The following DAB1 variants were observed in gnomAD, a reference collection of about 807,000 sequenced individuals.
DAB1 encodes DAB adaptor protein 1, also known as disabled homolog 1.
DAB1 carries 15 observed loss-of-function variants against 64.6 expected under a neutral mutation model. That is an observed-to-expected ratio of 0.23 (90% CI 0.16 to 0.36). The LOEUF (loss-of-function observed/expected upper bound fraction) is 0.36. DAB1 is among the 10% of genes least tolerant of loss of function. The pLI is 1.00. For missense variants in DAB1, 596 were observed against 706.7 expected, an observed-to-expected ratio of 0.84 and a Z score of 1.78; for synonymous variants, 235 against 251.9, an observed-to-expected ratio of 0.93 and a Z score of 0.64.
rs548929895 is a variant in DAB1, at chr1:57,052,733, T to C, written c.723+10151A>G. The stretch of plus-strand genomic sequence containing the variant: ...GGAGAGTAGATGAATAATTCTAATG[T>C]CCACTAGGGCAATCCCCTTCACGAT... On this transcript the variant is annotated intron_variant, in intron 9 of 14. Coordinates refer to ENST00000371236, the MANE Select transcript of DAB1 (RefSeq NM_001365792.1). Among the ~76,000 whole-genome samples, 9 of 152,230 alleles carry C rather than the reference T, an allele frequency of 5.9e-5. No individual in the cohort carries two copies. The East Asian group carries it at 1.7e-3, about 29-fold the overall frequency.
intron 7 of DAB1, among the ~76,000 whole-genome samples, chr1:57,593,011 C>A (rs1645463379): frequency 6.6e-6 from 1 of 152,216 alleles, no homozygotes; most frequent in African/African-American, 2.4e-5. Flanking sequence ...CAGTCCATAA[C>A]ACTGTCTTAA....
chr1:57,719,627 T>C (rs1647127637), intron 6 of DAB1, among the ~76,000 whole-genome samples: 1 of 152,220 alleles, frequency 6.6e-6, no homozygotes, highest in African/African-American at 2.4e-5. Context: ...ACTTCCTTCT[T>C]TGCTTACTCT....
intron 2 of DAB1, among the ~76,000 whole-genome samples, chr1:57,246,953 C>T (rs1668930334): frequency 1.3e-5 from 2 of 152,178 alleles, no homozygotes; most frequent in South Asian, 2.1e-4. Context: ...ACTGCCTGTA[C>T]CCCCATTGTA....
chr1:57,080,801 G>A (rs1453921714), intron 4 of DAB1, among the ~76,000 whole-genome samples: 1 of 152,068 alleles, frequency 6.6e-6, no homozygotes, highest in East Asian at 1.9e-4. Context: ...TTGCTTCAGT[G>A]TTAGTTTCCT....
At chr1:58,126,481 G>C (rs775634183) in intron 5 of DAB1, among the ~76,000 whole-genome samples, 3 of 148,964 alleles carry the variant, frequency 2.0e-5, no homozygotes, top group Non-Finnish European at 3.0e-5. Context: ...TATACTTTAA[G>C]TTTTAGGGTA....
chr1:57,794,928 A>G (rs967636179), intron 6 of DAB1, among the ~76,000 whole-genome samples: 5 of 152,226 alleles, frequency 3.3e-5, no homozygotes, highest in Admixed American at 1.3e-4. Context: ...AGGGGACTAC[A>G]GACACTTGGC....
intron 4 of DAB1, among the ~76,000 whole-genome samples, chr1:57,098,230 T>C (rs188279597): frequency 8.9e-4 from 135 of 152,334 alleles, no homozygotes; most frequent in Middle Eastern, 6.8e-3. Context: ...CAAAATAATA[T>C]CTTACCTTTA....
At chr1:57,210,098 A>C (rs575276112) in intron 2 of DAB1, among the ~76,000 whole-genome samples, 1 of 152,326 alleles carries the variant, frequency 6.6e-6, no homozygotes, top group East Asian at 1.9e-4. Flanking sequence ...ATGACAATTA[A>C]ATGGGAAGGC....
intron 7 of DAB1, among the ~76,000 whole-genome samples, chr1:57,576,827 ACTAAGACTTGGGGCTTC>A (rs1486554121): frequency 3.1e-4 from 47 of 152,318 alleles, no homozygotes; most frequent in African/African-American, 1.1e-3. Context: ...TGACAAAGAC[ACTAAGACTTGGGGCTTC>A]CTAGCTTCCT....
At chr1:57,319,140 C>T (rs1433876664) in intron 1 of DAB1, among the ~76,000 whole-genome samples, 1 of 152,100 alleles carries the variant, frequency 6.6e-6, no homozygotes, top group Non-Finnish European at 1.5e-5. Context: ...GTTGCATGGC[C>T]CCAGGGCTGC....
At chr1:57,251,643 C>T (rs1218520642) in intron 2 of DAB1, among the ~76,000 whole-genome samples, 3 of 152,094 alleles carry the variant, frequency 2.0e-5, no homozygotes, top group Non-Finnish European at 2.9e-5. Flanking sequence ...CATTTCAGGA[C>T]TTTTATCAGC....
At chr1:57,323,693 T>C (rs1048099799) in intron 1 of DAB1, among the ~76,000 whole-genome samples, 12 of 152,180 alleles carry the variant, frequency 7.9e-5, no homozygotes, top group African/African-American at 2.9e-4. Context: ...TGTATGTTTA[T>C]AAAATAATTA....
At chr1:57,115,113 G>A (rs535163149) in intron 4 of DAB1, among the ~76,000 whole-genome samples, 3 of 152,242 alleles carry the variant, frequency 2.0e-5, no homozygotes, top group Non-Finnish European at 4.4e-5. Context: ...CACAGAAGAC[G>A]CTAAACAGAA....
chr1:57,936,696 AT>A (rs891885005), intron 5 of DAB1, among the ~76,000 whole-genome samples: 7 of 148,488 alleles, frequency 4.7e-5, no homozygotes, highest in Middle Eastern at 3.5e-3. Flanking sequence ...TTATTTATTT[AT>A]TTTTTTTAGA....
chr1:58,214,192 T>C (rs1374175810), intron 4 of DAB1, among the ~76,000 whole-genome samples: 2 of 152,204 alleles, frequency 1.3e-5, no homozygotes, highest in Non-Finnish European at 2.9e-5. Context: ...TGCCCTGCCA[T>C]TAAAGCCTCC....
chr1:58,368,705 A>G (rs1216838536), intron 3 of DAB1, among the ~76,000 whole-genome samples: 1 of 152,148 alleles, frequency 6.6e-6, no homozygotes, highest in Non-Finnish European at 1.5e-5. Context: ...CAGCCTGACC[A>G]TCTCCACTTA....
At chr1:57,207,440 TCC>T (rs1665657389) in intron 2 of DAB1, among the ~76,000 whole-genome samples, 4 of 116,970 alleles carry the variant, frequency 3.4e-5, no homozygotes, top group Admixed American at 2.8e-4. Context: ...ATACCTTATT[TCC>T]TTTCTTTTTT....
chr1:58,530,656 C>T (rs776694883), intron 1 of DAB1: 1 of 872,792 alleles, frequency 1.1e-6, no homozygotes, highest in Admixed American at 1.7e-5. Flanking sequence ...ATCTCGAGGA[C>T]AAATGGCCCA....
intron 7 of DAB1, among the ~76,000 whole-genome samples, chr1:57,497,465 C>T (rs961198122): frequency 2.6e-5 from 4 of 151,670 alleles, no homozygotes; most frequent in African/African-American, 9.8e-5. Flanking sequence ...GCCAGAAAGA[C>T]ATTCTCCTCT....
Sources: gnomAD v4.1 joint callset for allele counts (sites outside exome capture counted in the v4.1 genomes callset) on GRCh38, gnomAD v4.1.1 for gene constraint, MANE v1.5 for transcripts, NCBI Gene and HGNC (gene_info 2026-07-23, HGNC 2026-07-21) for gene names.